Variants in ESRRG observed in about 807,000 individuals in gnomAD.
The protein encoded by ESRRG is estrogen-related receptor gamma.
In ESRRG, 13 loss-of-function variants were observed where a neutral mutation model predicts 44.0. The observed-to-expected ratio is 0.30, with a 90% CI of 0.19 to 0.47. The LOEUF is 0.47. Ranked by LOEUF, ESRRG falls within the 20% of genes least tolerant of loss-of-function variation. The pLI, the probability that ESRRG is intolerant of heterozygous loss-of-function variation, is 1.00. For synonymous variants in ESRRG, 215 were observed against 214.6 expected (o/e 1.00, Z -0.02); for missense variants, 395 against 580.6 (o/e 0.68, Z 3.29).
chr1:216,541,594 GTGTGTGTGTGTGT>G (rs1558372848), intron 5 of ESRRG, among the ~76,000 whole-genome samples: 28 of 141,760 alleles, frequency 2.0e-4, no homozygotes, highest in Middle Eastern at 3.6e-3. Context: ...GTGTGTGTGT[GTGTGTGTGTGTGT>G]ATGTGATCAG....
At chr1:216,666,457 A>G (rs1004713917) in intron 2 of ESRRG, among the ~76,000 whole-genome samples, 15 of 152,218 alleles carry the variant, frequency 9.9e-5, no homozygotes, top group African/African-American at 3.6e-4. Context: ...GCCGTTCAGT[A>G]GACTGAGGCT....
intron 1 of ESRRG, among the ~76,000 whole-genome samples, chr1:217,018,928 C>T (rs1223263776): frequency 6.6e-6 from 1 of 152,140 alleles, no homozygotes; most frequent in Non-Finnish European, 1.5e-5. Context: ...ATAGGCATCC[C>T]TGGTACAGCA....
At chr1:216,857,903 A>C (rs2095978739) in intron 2 of ESRRG, among the ~76,000 whole-genome samples, 1 of 152,150 alleles carries the variant, frequency 6.6e-6, no homozygotes, top group African/African-American at 2.4e-5. Flanking sequence ...ATTTTCACTA[A>C]CATTTCCCCC....
intron 1 of ESRRG, chr1:216,707,422 C>G (rs557449888): frequency 6.5e-7 from 1 of 1,535,844 alleles, no homozygotes; most frequent in South Asian, 1.2e-5. Flanking sequence ...ATCACATTCT[C>G]GCCACATTCA....
At chr1:216,852,587 T>C (rs1206395224) in intron 2 of ESRRG, among the ~76,000 whole-genome samples, 1 of 152,232 alleles carries the variant, frequency 6.6e-6, no homozygotes, top group Non-Finnish European at 1.5e-5. Flanking sequence ...TCTTGTTTAA[T>C]GTAAGATAAA....
chr1:216,605,284 C>T (rs1210266819), intron 3 of ESRRG, among the ~76,000 whole-genome samples: 2 of 151,982 alleles, frequency 1.3e-5, no homozygotes, highest in Admixed American at 1.3e-4. Flanking sequence ...AATATAAACT[C>T]ATAAAATCAA....
chr1:216,554,132 C>G (rs896049566), intron 5 of ESRRG, among the ~76,000 whole-genome samples: 1 of 151,994 alleles, frequency 6.6e-6, no homozygotes, highest in Non-Finnish European at 1.5e-5. Context: ...GAGTCTAGTG[C>G]TGTGGACACA....
chr1:216,878,765 A>T (rs1448075428), intron 2 of ESRRG, among the ~76,000 whole-genome samples: 1 of 152,236 alleles, frequency 6.6e-6, no homozygotes, highest in Non-Finnish European at 1.5e-5. Context: ...AAAATGTTCA[A>T]AATAGGCTGT....
At chr1:216,640,524 A>G (rs1176219749) in intron 3 of ESRRG, among the ~76,000 whole-genome samples, 1 of 151,914 alleles carries the variant, frequency 6.6e-6, no homozygotes, top group Non-Finnish European at 1.5e-5. Flanking sequence ...AGAGAAAGCG[A>G]GAGAGGACGA....
At chr1:216,817,367 T>A (rs1474383942) in intron 2 of ESRRG, among the ~76,000 whole-genome samples, 1 of 152,186 alleles carries the variant, frequency 6.6e-6, no homozygotes, top group Admixed American at 6.5e-5. Flanking sequence ...CACATTGTCA[T>A]CAACTCCAGG....
intron 1 of ESRRG, among the ~76,000 whole-genome samples, chr1:216,983,537 G>A (rs1351866644): frequency 6.6e-6 from 1 of 152,028 alleles, no homozygotes; most frequent in African/African-American, 2.4e-5. Context: ...TTTTGGTGAG[G>A]GAGTTCCATG....
At chr1:216,605,364 T>C (rs1271714133) in intron 3 of ESRRG, among the ~76,000 whole-genome samples, 5 of 151,952 alleles carry the variant, frequency 3.3e-5, no homozygotes, top group Admixed American at 1.3e-4. Context: ...TGCAAAAGAT[T>C]ATCAATCATT....
intron 1 of ESRRG, among the ~76,000 whole-genome samples, chr1:217,081,657 C>A (rs1410757349): frequency 6.6e-6 from 1 of 152,134 alleles, no homozygotes; most frequent in Non-Finnish European, 1.5e-5. Flanking sequence ...GTTGCCCAGG[C>A]AGATCCCACC....
chr1:217,063,057 C>G (rs376238285), intron 1 of ESRRG, among the ~76,000 whole-genome samples: 24 of 152,244 alleles, frequency 1.6e-4, no homozygotes, highest in African/African-American at 5.5e-4. Flanking sequence ...TGATCTGGGA[C>G]TTCGGGGTTT....
At chr1:216,523,969 A>G (rs993017027) in intron 5 of ESRRG, among the ~76,000 whole-genome samples, 6 of 152,086 alleles carry the variant, frequency 3.9e-5, no homozygotes, top group Non-Finnish European at 7.4e-5. Flanking sequence ...AAGCAATGCA[A>G]CGTAAGCTAG....
intron 2 of ESRRG, among the ~76,000 whole-genome samples, chr1:216,821,457 G>A (rs1052387270): frequency 6.6e-6 from 1 of 151,860 alleles, no homozygotes; most frequent in Non-Finnish European, 1.5e-5. Flanking sequence ...GGGCCAAGGT[G>A]GGAGGATCAC....
intron 2 of ESRRG, among the ~76,000 whole-genome samples, chr1:216,803,411 C>T (rs2094686783): frequency 6.6e-6 from 1 of 152,130 alleles, no homozygotes; most frequent in Non-Finnish European, 1.5e-5. Flanking sequence ...CGCCCCATCA[C>T]CAAATGCTGC....
intron 6 of ESRRG, among the ~76,000 whole-genome samples, chr1:216,515,849 TA>T (rs1218593868): frequency 2.0e-5 from 3 of 152,088 alleles, no homozygotes; most frequent in African/African-American, 7.2e-5. Flanking sequence ...TCTTATAGTA[TA>T]TAATTTCAAA....
chr1:217,026,908 C>CAGAGAGAAAGAGAGAG, intron 1 of ESRRG, among the ~76,000 whole-genome samples: 1 of 90,766 alleles, frequency 1.1e-5, no homozygotes, highest in Non-Finnish European at 2.3e-5. Flanking sequence ...CACACACACA[C>CAGAGAGAAAGAGAGAG]ACACAGAGAG....
Sources: gnomAD v4.1 joint callset for allele counts (sites outside exome capture counted in the v4.1 genomes callset) on GRCh38, gnomAD v4.1.1 for gene constraint, MANE v1.5 for transcripts, NCBI Gene and HGNC (gene_info 2026-07-23, HGNC 2026-07-21) for gene names.